Variants in ANGPT2 observed in about 807,000 individuals in gnomAD.
The protein encoded by ANGPT2 is angiopoietin-2.
ANGPT2 carries 28 observed loss-of-function variants against 62.9 expected under a neutral mutation model. That is an observed-to-expected ratio of 0.44 (90% CI 0.33 to 0.61). ANGPT2 has a LOEUF of 0.61. Among genes scored for constraint, ANGPT2 ranks in the 20% least tolerant of loss-of-function variants. The probability of loss-of-function intolerance (pLI) is 0.03; values close to 1 mark genes in which losing one functional copy is unlikely to be tolerated. For missense variants in ANGPT2, 727 were observed against 594.9 expected (o/e 1.22, Z -2.31); for synonymous variants, 284 against 207.8 (o/e 1.37, Z -3.15).
chr8:6,538,415 A>T (rs188491795), intron 1 of ANGPT2, among the ~76,000 whole-genome samples: 7 of 152,138 alleles, frequency 4.6e-5, no homozygotes, highest in Admixed American at 2.0e-4. Context: ...TCCACATGCA[A>T]AGCTGGTGAC....
intron 6 of ANGPT2, 81 bp from the exon 7 acceptor site, chr8:6,513,925 C>A (rs928093978): frequency 1.6e-6 from 2 of 1,279,240 alleles, no homozygotes; most frequent in Non-Finnish European, 2.2e-6. Flanking sequence ...GTCAACTTAA[C>A]ATAGAATAAC....
intron 1 of ANGPT2, among the ~76,000 whole-genome samples, chr8:6,546,429 G>C (rs1002113749): frequency 6.6e-6 from 1 of 152,214 alleles, no homozygotes; most frequent in African/African-American, 2.4e-5. Context: ...GTAAAATGCA[G>C]GTGGCAGTGT....
At position 6,557,250 on chromosome 8, in the gene ANGPT2, A is replaced by G. The variant is rs556171840; in HGVS notation, c.288+5397T>C. ...AATCCATACAAGGCTACTAAACTGC[A>G]GAGGGTACTGGTGTTAGCATGCCCC... On this transcript the variant is annotated intron_variant, in intron 1 of 8. Coordinates refer to ENST00000629816, the MANE Select transcript of ANGPT2 (RefSeq NM_001118887.2). Among the ~76,000 whole-genome samples the G allele has an allele frequency of 6.6e-5, 10 of 152,304 alleles. No homozygotes were observed. The South Asian group carries it at 2.1e-3, about 32-fold the overall frequency.
chr8:6,534,255 A>T (rs1021717028), intron 1 of ANGPT2, among the ~76,000 whole-genome samples: 2 of 152,244 alleles, frequency 1.3e-5, no homozygotes, highest in Non-Finnish European at 1.5e-5. Flanking sequence ...GTAAAACAAT[A>T]CAGTATAGCA....
intron 2 of ANGPT2, among the ~76,000 whole-genome samples, chr8:6,530,726 G>A (rs734701): frequency 0.67 from 102,406 of 151,910 alleles, 34,881 homozygotes; most frequent in Non-Finnish European, 0.72. Flanking sequence ...AGACCTGGTA[G>A]TCAAGTAATT....
intron 1 of ANGPT2, among the ~76,000 whole-genome samples, chr8:6,551,278 C>T (rs979145941): frequency 5.3e-5 from 8 of 151,694 alleles, no homozygotes; most frequent in African/African-American, 1.2e-4. Flanking sequence ...TTAGTGGTAG[C>T]GGTATTTAGG....
intron 7 of ANGPT2, among the ~76,000 whole-genome samples, chr8:6,510,247 G>C (rs540694405): frequency 1.4e-4 from 21 of 151,858 alleles, no homozygotes; most frequent in Non-Finnish European, 3.1e-4. Flanking sequence ...GATCAGAGCA[G>C]GCATTCACGT....
At chr8:6,543,862 A>G (rs915036338) in intron 1 of ANGPT2, among the ~76,000 whole-genome samples, 1 of 152,208 alleles carries the variant, frequency 6.6e-6, no homozygotes, top group African/African-American at 2.4e-5. Context: ...GGAGCTGTAC[A>G]TCTGCCTGGG....
chr8:6,502,051 A>T lies in ANGPT2; in HGVS notation c.*1050T>A, dbSNP rs1650782334. ...TAGCTTTGTAAATTTCTTAAATAGA[A>T]GGCTTTTCTCAACCAGAAATTAAAT... is the stretch of plus-strand genomic sequence containing the variant. On this transcript the variant is annotated 3_prime_UTR_variant, in exon 9 of 9. Transcript: ENST00000629816. The T allele has an allele frequency of 6.6e-6, 1 of 152,070 alleles. No homozygotes were observed. Among genetic ancestry groups the T allele is most frequent in the South Asian group, 2.1e-4 (1 of 4,826 alleles). The allele number at this position is 152,070 out of a possible 1,614,324, so 9.4% of individuals were successfully genotyped here.
rs537778432 is a variant in ANGPT2, at chr8:6,522,403, C to T, written c.567-993G>A. The stretch of plus-strand genomic sequence containing the variant: ...AACGCTTAGACTAGCGCCTGTCATA[C>T]ATTAACAGTCAATGAATGTTTGTTA... On this transcript the variant is annotated intron_variant, in intron 3 of 8. Coordinates refer to ENST00000629816, the MANE Select transcript of ANGPT2 (RefSeq NM_001118887.2). Among the ~76,000 whole-genome samples, 71 of 151,824 alleles carry T rather than the reference C, an allele frequency of 4.7e-4. 1 individual carries two copies. Among genetic ancestry groups the T allele is most frequent in the Non-Finnish European group, 7.8e-4 (53 of 67,938 alleles).
At chr8:6,511,052 C>G (rs891235999) in intron 7 of ANGPT2, among the ~76,000 whole-genome samples, 2 of 152,190 alleles carry the variant, frequency 1.3e-5, no homozygotes, top group African/African-American at 4.8e-5. Flanking sequence ...ACTTCCCTTG[C>G]TTATCTTTTA....
chr8:6,539,242 G>T (rs13269021), intron 1 of ANGPT2, among the ~76,000 whole-genome samples: 38,613 of 152,144 alleles, frequency 0.25, 5,077 homozygotes, highest in East Asian at 0.41. Context: ...GCCCTGTGAC[G>T]TGGGAAGCAA....
chr8:6,534,694 A>G (rs1820182852), intron 1 of ANGPT2, among the ~76,000 whole-genome samples: 1 of 152,254 alleles, frequency 6.6e-6, no homozygotes, highest in African/African-American at 2.4e-5. Context: ...CAGGCCAGCA[A>G]CCATCTCTAT....
intron 7 of ANGPT2, among the ~76,000 whole-genome samples, chr8:6,510,579 G>C (rs945773406): frequency 6.6e-6 from 1 of 152,206 alleles, no homozygotes; most frequent in Non-Finnish European, 1.5e-5. Context: ...ACCTGCAGTG[G>C]TGGCCGCCAT....
At chr8:6,505,415 A>T (rs188793998) in intron 8 of ANGPT2, among the ~76,000 whole-genome samples, 1 of 67,362 alleles carries the variant, frequency 1.5e-5, no homozygotes, top group African/African-American at 5.3e-5. Context: ...TATATTCTTT[A>T]TATACATAAA....
In ANGPT2 at chr8:6,542,147, G is replaced by T. The variant is rs146639056; in HGVS notation, c.289-9660C>A. The stretch of plus-strand genomic sequence containing the variant: ...TTTTAAATGAAACTAGAGCGTTCTT[G>T]CCTTTCTGAATTTAAGGCACACTGA... On this transcript the variant is annotated intron_variant, in intron 1 of 8. Coordinates refer to ENST00000629816, the MANE Select transcript of ANGPT2 (RefSeq NM_001118887.2). Among the ~76,000 whole-genome samples the T allele has an allele frequency of 2.6e-5, 4 of 152,178 alleles. No homozygotes were observed. The East Asian group carries it at 5.8e-4, about 22-fold the overall frequency.
chr8:6,555,758 C>T (rs1007929235), intron 1 of ANGPT2, among the ~76,000 whole-genome samples: 1 of 152,198 alleles, frequency 6.6e-6, no homozygotes, highest in Non-Finnish European at 1.5e-5. Context: ...CCACTGCACC[C>T]AGCCACATAA....
At chr8:6,561,527 AGAGT>A (rs1825540999) in intron 1 of ANGPT2, among the ~76,000 whole-genome samples, 1 of 152,256 alleles carries the variant, frequency 6.6e-6, no homozygotes, top group Non-Finnish European at 1.5e-5. Flanking sequence ...GTGAAATGAA[AGAGT>A]GAGAAAATAA....
In ANGPT2 at chr8:6,555,939, T is replaced by C. The variant is rs532295281; in HGVS notation, c.288+6708A>G. 4.4e-4 allele frequency among the ~76,000 whole-genome samples: 67 copies of C among 152,296 alleles called. No individual in the cohort carries two copies. In the Middle Eastern group the frequency reaches 0.01, roughly 23 times the overall value. ...CAGCACCATCCTCACATAGAAGGGC[T>C]GGCATCTCACCTATCTAGAGGTGAG... On this transcript the variant is annotated intron_variant, in intron 1 of 8. Transcript: ENST00000629816.
Sources: gnomAD v4.1 joint callset for allele counts (sites outside exome capture counted in the v4.1 genomes callset) on GRCh38, gnomAD v4.1.1 for gene constraint, MANE v1.5 for transcripts, NCBI Gene and HGNC (gene_info 2026-07-23, HGNC 2026-07-21) for gene names.